Variants in CHRM3 observed in about 807,000 individuals in gnomAD.
CHRM3 encodes the protein muscarinic acetylcholine receptor M3.
Under a neutral mutation model 41.8 loss-of-function variants are expected in CHRM3, and 11 were observed. That is an observed-to-expected ratio of 0.26 (90% CI 0.17 to 0.44). CHRM3 has a LOEUF of 0.44. Ranked by LOEUF, CHRM3 falls within the 20% of genes least tolerant of loss-of-function variation. CHRM3 has a pLI of 1.00. For missense variants in CHRM3, 571 were observed against 745.4 expected, an observed-to-expected ratio of 0.77 and a Z score of 2.72; for synonymous variants, 297 against 301.4, an observed-to-expected ratio of 0.99 and a Z score of 0.15.
At chr1:239,774,629 T>C (rs138815737) in intron 5 of CHRM3, among the ~76,000 whole-genome samples, 18 of 152,332 alleles carry the variant, frequency 1.2e-4, no homozygotes, top group African/African-American at 4.3e-4. Context: ...GATTGCATCA[T>C]GTTTCAGAAT....
intron 5 of CHRM3, among the ~76,000 whole-genome samples, chr1:239,795,013 A>G (rs1572320274): frequency 6.6e-6 from 1 of 152,364 alleles, no homozygotes; most frequent in East Asian, 1.9e-4. Flanking sequence ...TCCATTAATT[A>G]GCTCACACTG....
At chr1:239,753,289 T>C (rs901130639) in intron 5 of CHRM3, among the ~76,000 whole-genome samples, 1 of 152,144 alleles carries the variant, frequency 6.6e-6, no homozygotes, top group African/African-American at 2.4e-5. Flanking sequence ...ATATTAATAA[T>C]GTATAAGTCC....
intron 1 of CHRM3, among the ~76,000 whole-genome samples, chr1:239,477,542 A>G (rs1666550041): frequency 6.6e-6 from 1 of 152,172 alleles, no homozygotes; most frequent in Non-Finnish European, 1.5e-5. Flanking sequence ...TTGAAGGGGT[A>G]AGAAGAAATG....
intron 1 of CHRM3, among the ~76,000 whole-genome samples, chr1:239,458,472 T>C (rs1222260532): frequency 6.6e-6 from 1 of 152,134 alleles, no homozygotes. Context: ...AAAAGAAATA[T>C]ATTGCTTATA....
At chr1:239,731,913 A>G (rs532494666) in intron 5 of CHRM3, among the ~76,000 whole-genome samples, 10 of 152,038 alleles carry the variant, frequency 6.6e-5, no homozygotes, top group South Asian at 2.1e-4. Context: ...TTTTAAATAC[A>G]TATTAAGCTA....
intron 3 of CHRM3, among the ~76,000 whole-genome samples, chr1:239,580,704 T>TATATATATATATATATATACATAC (rs570878631): frequency 1.2e-3 from 154 of 131,014 alleles, no homozygotes; most frequent in Non-Finnish European, 2.0e-3. Flanking sequence ...TATATATATA[T>TATATATATATATATATATACATAC]ACACACACAC....
At chr1:239,429,505 T>A (rs1415945779) in intron 1 of CHRM3, among the ~76,000 whole-genome samples, 1 of 152,204 alleles carries the variant, frequency 6.6e-6, no homozygotes, top group East Asian at 1.9e-4. Flanking sequence ...GATCTAGTAG[T>A]CATACCTTGT....
At chr1:239,782,941 T>C (rs627535) in intron 5 of CHRM3, among the ~76,000 whole-genome samples, 128,163 of 151,922 alleles carry the variant, frequency 0.84, 54,232 homozygotes, top group East Asian at 0.87. Flanking sequence ...TGTTTTTTAA[T>C]TTAGTTTCAT....
At chr1:239,536,677 TA>T (rs1450515111) in intron 2 of CHRM3, among the ~76,000 whole-genome samples, 1 of 152,174 alleles carries the variant, frequency 6.6e-6, no homozygotes, top group African/African-American at 2.4e-5. Flanking sequence ...CTGGTAAATG[TA>T]AAACAAGAAA....
At chr1:239,672,229 A>G (rs1674445001) in intron 4 of CHRM3, among the ~76,000 whole-genome samples, 2 of 152,126 alleles carry the variant, frequency 1.3e-5, no homozygotes, top group African/African-American at 4.8e-5. Flanking sequence ...ACGGGATGCC[A>G]TCATATGGAT....
intron 5 of CHRM3, among the ~76,000 whole-genome samples, chr1:239,753,925 A>G (rs1200078225): frequency 2.0e-5 from 3 of 152,196 alleles, no homozygotes; most frequent in Non-Finnish European, 4.4e-5. Context: ...AACATCGTCA[A>G]TCATGTGTGA....
chr1:239,683,522 A>G (rs929314000), intron 5 of CHRM3, among the ~76,000 whole-genome samples: 9 of 152,228 alleles, frequency 5.9e-5, no homozygotes, highest in African/African-American at 2.2e-4. Flanking sequence ...TTTCACCATT[A>G]TTTTCATCTT....
chr1:239,890,339 CTCTA>C (rs1215261158), intron 6 of CHRM3, among the ~76,000 whole-genome samples: 12 of 119,930 alleles, frequency 1.0e-4, no homozygotes, highest in Non-Finnish European at 1.9e-4. Flanking sequence ...AAGAGTGAGA[CTCTA>C]TCTCAAAAAA....
At chr1:239,497,637 A>G (rs1667970014) in intron 2 of CHRM3, among the ~76,000 whole-genome samples, 2 of 152,202 alleles carry the variant, frequency 1.3e-5, no homozygotes. Flanking sequence ...CCTCCTCTCT[A>G]TTTCACAGAG....
At chr1:239,840,393 A>T (rs1673696605) in intron 6 of CHRM3, among the ~76,000 whole-genome samples, 1 of 152,190 alleles carries the variant, frequency 6.6e-6, no homozygotes, top group South Asian at 2.1e-4. Flanking sequence ...TTGATTTTGT[A>T]TTCTTAATAA....
chr1:239,810,598 T>C (rs969966703), intron 5 of CHRM3, among the ~76,000 whole-genome samples: 14 of 152,220 alleles, frequency 9.2e-5, no homozygotes, highest in African/African-American at 2.9e-4. Flanking sequence ...TTGCCTGAGA[T>C]TTACTGGAAG....
intron 5 of CHRM3, among the ~76,000 whole-genome samples, chr1:239,692,942 T>C (rs1039143086): frequency 1.3e-5 from 2 of 152,170 alleles, no homozygotes; most frequent in African/African-American, 4.8e-5. Flanking sequence ...TGACCTTACG[T>C]TGATTCTTTA....
chr1:239,619,637 C>T (rs1180941792), intron 3 of CHRM3, among the ~76,000 whole-genome samples: 1 of 152,144 alleles, frequency 6.6e-6, no homozygotes. Context: ...GTGGCGGAAG[C>T]ACCCAAAAGA....
intron 2 of CHRM3, among the ~76,000 whole-genome samples, chr1:239,528,037 T>C (rs1434001886): frequency 1.3e-5 from 2 of 152,262 alleles, no homozygotes; most frequent in African/African-American, 4.8e-5. Context: ...AACAACTCCA[T>C]CTCTAAAATG....
Sources: gnomAD v4.1 joint callset for allele counts (sites outside exome capture counted in the v4.1 genomes callset) on GRCh38, gnomAD v4.1.1 for gene constraint, MANE v1.5 for transcripts, NCBI Gene and HGNC (gene_info 2026-07-23, HGNC 2026-07-21) for gene names.